Variants in RAD51B observed in about 807,000 individuals in gnomAD.
The protein encoded by RAD51B is DNA repair protein RAD51 homolog 2.
A neutral mutation model predicts 42.2 loss-of-function variants in RAD51B; 38 were observed. The ratio of observed to expected loss-of-function variants is 0.90; its 90% CI spans 0.70 to 1.18. RAD51B has a LOEUF of 1.18. Among genes scored for constraint, RAD51B ranks in the 50% most tolerant of loss-of-function variants. RAD51B has a pLI of 0.00. For synonymous variants in RAD51B, 154 were observed against 145.2 expected, an observed-to-expected ratio of 1.06 and a Z score of -0.43; for missense variants, 373 against 400.7, an observed-to-expected ratio of 0.93 and a Z score of 0.59.
intron 4 of RAD51B, among the ~76,000 whole-genome samples, chr14:67,840,279 C>A (rs1318346883): frequency 2.6e-5 from 4 of 152,140 alleles, no homozygotes; most frequent in Non-Finnish European, 5.9e-5. Context: ...TTTTTCCCTG[C>A]TCCCTTCTTC....
chr14:67,911,893 G>A (rs1046881283), intron 7 of RAD51B, among the ~76,000 whole-genome samples: 13 of 152,162 alleles, frequency 8.5e-5, no homozygotes, highest in African/African-American at 1.9e-4. Flanking sequence ...TCTGGGGAGC[G>A]ACTCTTATAA....
chr14:67,834,990 A>G (rs1192083358), intron 3 of RAD51B, 90 bp from the exon 4 acceptor site: 46 of 985,582 alleles, frequency 4.7e-5, no homozygotes, highest in African/African-American at 6.6e-5. Context: ...GATTAGGGTT[A>G]AAATTGCTAA....
intron 9 of RAD51B, chr14:68,422,256 A>G (rs2084720958): frequency 1.3e-6 from 1 of 797,488 alleles, no homozygotes; most frequent in African/African-American, 1.7e-5. Flanking sequence ...AATTCTTAAT[A>G]GCTTATAAAA....
chr14:68,382,950 C>G (rs1368508384), intron 8 of RAD51B, among the ~76,000 whole-genome samples: 1 of 152,110 alleles, frequency 6.6e-6, no homozygotes, highest in Non-Finnish European at 1.5e-5. Flanking sequence ...CACTGTTCTT[C>G]CTGATAACAC....
intron 8 of RAD51B, chr14:68,338,672 G>T: frequency 3.7e-6 from 1 of 271,784 alleles, no homozygotes; most frequent in Non-Finnish European, 7.2e-6. Context: ...CTTTTTTGAA[G>T]GAAATTTTGT....
intron 7 of RAD51B, among the ~76,000 whole-genome samples, chr14:67,998,817 A>T (rs1303288524): frequency 6.6e-6 from 1 of 152,082 alleles, no homozygotes; most frequent in East Asian, 1.9e-4. Flanking sequence ...GAGTACTGGG[A>T]ATTATTTAGA....
intron 11 of RAD51B, among the ~76,000 whole-genome samples, chr14:68,659,208 TC>T (rs1408611695): frequency 6.6e-6 from 1 of 152,066 alleles, no homozygotes; most frequent in Non-Finnish European, 1.5e-5. Context: ...AAAAACAATC[TC>T]CCCTGCCTGG....
intron 7 of RAD51B, among the ~76,000 whole-genome samples, chr14:68,209,838 G>A (rs556614719): frequency 6.6e-6 from 1 of 152,186 alleles, no homozygotes; most frequent in South Asian, 2.1e-4. Context: ...TTTTTAAGTG[G>A]TATTAAAGGA....
chr14:67,926,138 G>A (rs762426650), intron 7 of RAD51B, among the ~76,000 whole-genome samples: 2 of 152,316 alleles, frequency 1.3e-5, no homozygotes, highest in Admixed American at 1.3e-4. Context: ...TCTGCAGCCA[G>A]CTTGGATTTC....
chr14:67,939,783 C>G (rs1196978608), intron 7 of RAD51B, among the ~76,000 whole-genome samples: 8 of 151,558 alleles, frequency 5.3e-5, no homozygotes, highest in African/African-American at 1.9e-4. Context: ...TTAATCGAAC[C>G]CTAATTACCT....
At chr14:67,869,138 G>C (rs942170834) in intron 5 of RAD51B, among the ~76,000 whole-genome samples, 1 of 152,150 alleles carries the variant, frequency 6.6e-6, no homozygotes. Flanking sequence ...AAATTACTCC[G>C]AGCTACGGGA....
chr14:68,551,951 A>G (rs1337049380), intron 10 of RAD51B, among the ~76,000 whole-genome samples: 1 of 152,222 alleles, frequency 6.6e-6, no homozygotes, highest in Non-Finnish European at 1.5e-5. Flanking sequence ...TATTACTCTC[A>G]TGAAGACAGG....
At chr14:68,448,702 C>T (rs764107690) in intron 9 of RAD51B, among the ~76,000 whole-genome samples, 2 of 152,166 alleles carry the variant, frequency 1.3e-5, no homozygotes. Flanking sequence ...TTCAGTGGCA[C>T]CCAGCTAGAA....
At chr14:68,605,750 A>G (rs1318530896) in intron 10 of RAD51B, among the ~76,000 whole-genome samples, 2 of 152,178 alleles carry the variant, frequency 1.3e-5, no homozygotes, top group Non-Finnish European at 2.9e-5. Context: ...TGGAAAGGAC[A>G]TGAATTTGGG....
intron 7 of RAD51B, among the ~76,000 whole-genome samples, chr14:68,219,225 G>A (rs572197322): frequency 4.6e-5 from 7 of 152,232 alleles, no homozygotes; most frequent in African/African-American, 1.4e-4. Context: ...GAAGGAAACC[G>A]CTAGGAAATT....
chr14:68,489,135 A>G (rs1483707071), intron 10 of RAD51B, among the ~76,000 whole-genome samples: 4 of 147,354 alleles, frequency 2.7e-5, no homozygotes, highest in East Asian at 2.0e-4. Flanking sequence ...TTTTTTTTTT[A>G]TTAAATTTTT....
At chr14:68,305,700 G>A (rs1352754797) in intron 8 of RAD51B, among the ~76,000 whole-genome samples, 6 of 152,116 alleles carry the variant, frequency 3.9e-5, no homozygotes. Context: ...AACTAAGATG[G>A]GCCCCTTGGT....
Position 68,431,880 on chromosome 14 carries a change from G to A in RAD51B, c.957+20353G>A, listed in dbSNP as rs958334651. Among the ~76,000 whole-genome samples, 17 of 152,122 alleles carry A rather than the reference G, an allele frequency of 1.1e-4. No individual in the cohort carries two copies. In the South Asian group the frequency reaches 2.1e-3, roughly 19 times the overall value. On this transcript the variant is annotated intron_variant, in intron 9 of 10. Coordinates refer to ENST00000471583, the MANE Select transcript of RAD51B (RefSeq NM_133510.4). ...TTAGATCTTTCCTGCTTTCTCTTGC[G>A]GGCATTTAGTGCTATAAATTTCCCT...
At chr14:68,368,010 G>A (rs1463350287) in intron 8 of RAD51B, among the ~76,000 whole-genome samples, 1 of 152,160 alleles carries the variant, frequency 6.6e-6, no homozygotes, top group Non-Finnish European at 1.5e-5. Flanking sequence ...TATCTTTTTG[G>A]CCTGTCTGGT....
Sources: gnomAD v4.1 joint callset for allele counts (sites outside exome capture counted in the v4.1 genomes callset) on GRCh38, gnomAD v4.1.1 for gene constraint, MANE v1.5 for transcripts, NCBI Gene and HGNC (gene_info 2026-07-23, HGNC 2026-07-21) for gene names.